HDAC9: variants seen among roughly 807,000 people sequenced by gnomAD.
HDAC9 encodes histone deacetylase 9.
A neutral mutation model predicts 139.4 loss-of-function variants in HDAC9; 41 were observed. The observed-to-expected ratio is 0.29, with a 90% CI of 0.23 to 0.38. HDAC9 has a LOEUF of 0.38. HDAC9 is among the 10% of genes least tolerant of loss of function. The pLI, the probability that HDAC9 is intolerant of heterozygous loss-of-function variation, is 1.00. For synonymous variants in HDAC9, 517 were observed against 476.2 expected (o/e 1.09, Z -1.12); for missense variants, 1,147 against 1,297.0 (o/e 0.88, Z 1.78).
Position 18,749,016 on chromosome 7 carries a change from G to T in HDAC9, c.1921G>T (p.Asp641Tyr). ...CCCTTGTCTTAAAGGAATTGCCTAT[G>T]ACCCCTTGATGCTGAAACACCAGTG... The part of the protein sequence containing the change: ...QPGSATGIAY[D>Y]PLMLKHQCVC... The change falls in exon 14 of 26, where the codon GAC becomes TAC. Residue 641 changes from aspartate to tyrosine, a missense_variant. By Grantham distance (160) the Asp-to-Tyr change is radical (BLOSUM62 -3). Coordinates refer to ENST00000686413, the MANE Select transcript of HDAC9 (RefSeq NM_178425.4). 6.2e-7 allele frequency: 1 copy of T among 1,613,338 alleles called. No individual in the cohort carries two copies. The highest frequency in any genetic ancestry group is 1.1e-5 in the South Asian group (1 of 90,970).
At chr7:18,887,046 C>T (rs1031283538) in intron 22 of HDAC9, among the ~76,000 whole-genome samples, 5 of 152,136 alleles carry the variant, frequency 3.3e-5, no homozygotes, top group Admixed American at 1.3e-4. Flanking sequence ...TAGTATGTGA[C>T]CAAGAATCAG....
rs766702378 is a variant in HDAC9, at chr7:18,727,730, C to G, written c.1882C>G (p.Arg628Gly). 1.9e-6 allele frequency: 3 copies of G among 1,554,364 alleles called. No individual in the cohort carries two copies. The highest frequency in any genetic ancestry group is 2.8e-5 in the African/African-American group (2 of 71,280). Residue 628 changes from arginine (R) to glycine (G), a missense_variant, in exon 13 of 26, where the codon CGC becomes GGC. Arg to Gly is a moderately radical substitution (Grantham distance 125). Around this residue, in one of 7 missense-constraint regions of HDAC9, gnomAD observed 256 missense variants for 219.2 expected, o/e 1.17. Coordinates refer to ENST00000686413, the MANE Select transcript of HDAC9 (RefSeq NM_178425.4). ...TGTTTTACCTCACCCAGCAATGGAC[C>G]GCCCCCTCCAGCCTGGCTCTGCAAC... ...ASVLPHPAMD[R>G]PLQPGSATGI...
rs568630777 is a variant in HDAC9, at chr7:18,300,921, TATA to T, written c.-42+10411_-42+10413del. Reference sequence around the variant, plus strand: ...AAGTCATGGATTCTAGTTAATACAGTATAATAAGGGAGAGCTCACACTATTCCT... The same window carrying T: ...AAGTCATGGATTCTAGTTAATACAGTATAAGGGAGAGCTCACACTATTCCT... On this transcript the variant is annotated intron_variant, in intron 1 of 3. Transcript: ENST00000413509. Among the ~76,000 whole-genome samples the T allele has an allele frequency of 9.2e-5, 14 of 152,272 alleles. No individual in the cohort carries two copies. The East Asian group carries it at 2.5e-3, about 27-fold the overall frequency.
At chr7:18,926,309 T>C (rs1585326300) in intron 22 of HDAC9, among the ~76,000 whole-genome samples, 1 of 152,244 alleles carries the variant, frequency 6.6e-6, no homozygotes, top group East Asian at 1.9e-4. Flanking sequence ...ATGATGCCAC[T>C]ACACTCCAGC....
At position 18,769,749 on chromosome 7, in the gene HDAC9, A is replaced by T. The variant is rs190506168; in HGVS notation, c.2214+2594A>T. Among the ~76,000 whole-genome samples, 67 of 152,056 alleles carry T rather than the reference A, an allele frequency of 4.4e-4. 1 individual carries two copies. Among genetic ancestry groups the T allele is most frequent in the Admixed American group, 3.7e-3 (57 of 15,264 alleles). Reference sequence around the variant, plus strand: ...TTGATTTAAGCCTGTCTAAATTTTCACCTCCAGGACAATCCCAGACAGATT... The same window carrying T: ...TTGATTTAAGCCTGTCTAAATTTTCTCCTCCAGGACAATCCCAGACAGATT... On this transcript the variant is annotated intron_variant, in intron 16 of 25. Transcript: ENST00000686413.
intron 1 of HDAC9, among the ~76,000 whole-genome samples, chr7:18,363,605 C>G (rs946300356): frequency 2.6e-5 from 4 of 152,110 alleles, no homozygotes; most frequent in African/African-American, 4.8e-5. Flanking sequence ...TCACTAAGAA[C>G]CACTAAGTTT....
chr7:18,443,836 A>G (rs142546644), intron 1 of HDAC9, among the ~76,000 whole-genome samples: 4 of 151,422 alleles, frequency 2.6e-5, no homozygotes, highest in Non-Finnish European at 4.4e-5. Context: ...ACACATTTGT[A>G]TAAACATTTG....
chr7:18,378,670 T>C (rs375050270), intron 1 of HDAC9, among the ~76,000 whole-genome samples: 6 of 152,160 alleles, frequency 3.9e-5, no homozygotes, highest in East Asian at 1.9e-4. Context: ...TATGCACATA[T>C]GTTTATATGC....
At chr7:18,228,214 A>T (rs966926487) in intron 2 of HDAC9, among the ~76,000 whole-genome samples, 39 of 152,100 alleles carry the variant, frequency 2.6e-4, no homozygotes, top group African/African-American at 8.4e-4. Context: ...TACTCCAAGA[A>T]TTACTATTCT....
At chr7:18,417,485 G>C (rs992299056) in intron 1 of HDAC9, among the ~76,000 whole-genome samples, 1 of 152,084 alleles carries the variant, frequency 6.6e-6, no homozygotes, top group African/African-American at 2.4e-5. Flanking sequence ...GTCATTGTGA[G>C]TTTTAACTTC....
chr7:18,105,165 T>G (rs575438137), intron 1 of HDAC9, among the ~76,000 whole-genome samples: 38 of 115,902 alleles, frequency 3.3e-4, no homozygotes, highest in African/African-American at 5.7e-4. Flanking sequence ...TTTCTAGATG[T>G]GGATTTCATC....
At chr7:18,701,822 G>A (rs761932319) in intron 12 of HDAC9, among the ~76,000 whole-genome samples, 20 of 152,196 alleles carry the variant, frequency 1.3e-4, no homozygotes, top group Non-Finnish European at 1.3e-4. Flanking sequence ...TTCACCTGGA[G>A]AGAGTGTAGA....
chr7:18,443,943 T>C (rs183304109), intron 1 of HDAC9, among the ~76,000 whole-genome samples: 1 of 151,908 alleles, frequency 6.6e-6, no homozygotes, highest in Non-Finnish European at 1.5e-5. Context: ...TATATATGTA[T>C]GTATGTATGT....
chr7:18,573,596 G>A (rs569680110), intron 2 of HDAC9, among the ~76,000 whole-genome samples: 4 of 152,334 alleles, frequency 2.6e-5, no homozygotes, highest in South Asian at 2.1e-4. Context: ...GGCGTGGAGC[G>A]GTGAGGGGTG....
At chr7:18,359,322 C>A (rs556966417) in intron 1 of HDAC9, among the ~76,000 whole-genome samples, 3 of 151,918 alleles carry the variant, frequency 2.0e-5, no homozygotes, top group South Asian at 2.1e-4. Context: ...CACTCCAGCC[C>A]GGGCAACGGA....
At chr7:18,969,277 G>A (rs1041146653) in intron 24 of HDAC9, among the ~76,000 whole-genome samples, 6 of 152,046 alleles carry the variant, frequency 3.9e-5, no homozygotes, top group African/African-American at 1.4e-4. Context: ...AATACACAAG[G>A]CATCAAACAG....
chr7:18,651,870 A>G (rs1789393190), intron 11 of HDAC9, among the ~76,000 whole-genome samples: 1 of 152,090 alleles, frequency 6.6e-6, no homozygotes, highest in Non-Finnish European at 1.5e-5. Context: ...CTTGTATAGT[A>G]TTTATACTGT....
At chr7:18,166,133 G>A (rs940171253) in intron 2 of HDAC9, among the ~76,000 whole-genome samples, 10 of 152,062 alleles carry the variant, frequency 6.6e-5, no homozygotes, top group South Asian at 2.1e-4. Flanking sequence ...TGATGAAAAC[G>A]CATCCAAAGG....
intron 2 of HDAC9, among the ~76,000 whole-genome samples, chr7:18,249,039 A>G (rs2128196074): frequency 6.6e-6 from 1 of 152,304 alleles, no homozygotes; most frequent in South Asian, 2.1e-4. Flanking sequence ...TTCAGCTGGA[A>G]TCTTAGGGAT....
Sources: allele counts gnomAD v4.1 joint callset (sites outside exome capture counted in the v4.1 genomes callset), GRCh38; gene constraint gnomAD v4.1.1; regional missense constraint gnomAD v4.1.1; transcripts MANE v1.5; gene names NCBI Gene and HGNC (gene_info 2026-07-23, HGNC 2026-07-21).